The following CUBN variants were observed in gnomAD, a reference collection of about 807,000 sequenced individuals.
CUBN encodes the protein 460 kDa receptor.
In CUBN, 282 loss-of-function variants were observed where a neutral mutation model predicts 405.3. That is an observed-to-expected ratio of 0.70 (90% CI 0.63 to 0.77). The LOEUF is 0.77. Among genes scored for constraint, CUBN ranks in the 30% least tolerant of loss-of-function variants. The pLI is 0.00. For missense variants in CUBN, 4,514 were observed against 4,475.2 expected (o/e 1.01, Z -0.25); for synonymous variants, 1,684 against 1,617.0 (o/e 1.04, Z -0.99).
chr10:16,856,596 G>A (rs563415933), intron 59 of CUBN, among the ~76,000 whole-genome samples: 128 of 152,294 alleles, frequency 8.4e-4, no homozygotes, highest in Non-Finnish European at 1.4e-3. Context: ...CATCTCGAAG[G>A]CTTCAGTGGA....
At chr10:17,113,908 A>T (rs770012233) in intron 8 of CUBN, 119 bp downstream of exon 8, 4 of 1,007,028 alleles carry the variant, frequency 4.0e-6, no homozygotes, top group Non-Finnish European at 6.1e-6. Flanking sequence ...CAGGACACAA[A>T]ACTGGATTTG....
intron 60 of CUBN, among the ~76,000 whole-genome samples, chr10:16,843,926 C>T (rs1588579036): frequency 1.3e-5 from 2 of 152,032 alleles, no homozygotes; most frequent in African/African-American, 4.8e-5. Context: ...ATCATGAGAA[C>T]CCACGTGATG....
At chr10:16,980,611 T>C (rs1833240936) in intron 31 of CUBN, among the ~76,000 whole-genome samples, 1 of 152,042 alleles carries the variant, frequency 6.6e-6, no homozygotes. Flanking sequence ...AAACACCGCA[T>C]ATTCTCACTC....
At chr10:17,038,158 T>A (rs1417259792) in intron 27 of CUBN, among the ~76,000 whole-genome samples, 1 of 152,204 alleles carries the variant, frequency 6.6e-6, no homozygotes, top group Non-Finnish European at 1.5e-5. Flanking sequence ...ATGCTCCCTG[T>A]TGACTTAACA....
intron 60 of CUBN, among the ~76,000 whole-genome samples, chr10:16,844,436 C>T (rs1052830821): frequency 1.3e-5 from 2 of 152,068 alleles, no homozygotes; most frequent in African/African-American, 4.8e-5. Context: ...GGAGAAATGA[C>T]GAAGTCCAAC....
intron 6 of CUBN, among the ~76,000 whole-genome samples, chr10:17,118,826 T>C (rs930304478): frequency 2.6e-5 from 4 of 152,242 alleles, no homozygotes; most frequent in Non-Finnish European, 5.9e-5. Context: ...CAATTACTTA[T>C]ATACCTCCCT....
intron 22 of CUBN, 82 bp downstream of exon 22, chr10:17,065,426 A>T: frequency 6.4e-7 from 1 of 1,555,030 alleles, no homozygotes; most frequent in Non-Finnish European, 8.9e-7. Flanking sequence ...TTTGCGGATG[A>T]TGTATTCTCA....
At chr10:16,966,423 C>T (rs2942359) in intron 31 of CUBN, among the ~76,000 whole-genome samples, 102,828 of 151,686 alleles carry the variant, frequency 0.68, 35,124 homozygotes, top group Non-Finnish European at 0.71. Context: ...GTGTGGCCTC[C>T]TTCTCACCTG....
At chr10:16,862,383 C>T (rs550995374) in intron 59 of CUBN, among the ~76,000 whole-genome samples, 1 of 152,156 alleles carries the variant, frequency 6.6e-6, no homozygotes, top group East Asian at 1.9e-4. Context: ...GGGGTAATTC[C>T]TGTCTCATCT....
At chr10:17,127,994 T>A (rs1262172903) in intron 2 of CUBN, 70 bp from the exon 3 acceptor site, 1 of 1,138,764 alleles carries the variant, frequency 8.8e-7, no homozygotes, top group Admixed American at 1.8e-5. Context: ...TACAGTAACA[T>A]AATTAAAAAC....
intron 28 of CUBN, among the ~76,000 whole-genome samples, chr10:16,997,526 G>C (rs1215065349): frequency 6.6e-6 from 1 of 151,986 alleles, no homozygotes; most frequent in Non-Finnish European, 1.5e-5. Flanking sequence ...GGTGTGATGT[G>C]AATTGGTAAC....
intron 64 of CUBN, among the ~76,000 whole-genome samples, chr10:16,834,267 T>C (rs1221852515): frequency 6.6e-6 from 1 of 152,064 alleles, no homozygotes; most frequent in Non-Finnish European, 1.5e-5. Context: ...AATGCAGCGA[T>C]GGGGCAGAAA....
chr10:16,885,783 C>T (rs369972354), intron 56 of CUBN, among the ~76,000 whole-genome samples: 79 of 152,234 alleles, frequency 5.2e-4, no homozygotes, highest in East Asian at 4.8e-3. Flanking sequence ...CTGAGTGATA[C>T]GGTCTTGTGA....
chr10:16,837,703 C>T (rs1413196799), intron 62 of CUBN, among the ~76,000 whole-genome samples: 7 of 152,174 alleles, frequency 4.6e-5, no homozygotes, highest in South Asian at 2.1e-4. Context: ...CCAATTAGGG[C>T]TGCTCTGTCT....
At chr10:17,129,381 C>T in intron 1 of CUBN, 131 bp from the exon 2 acceptor site, 1 of 1,108,564 alleles carries the variant, frequency 9.0e-7, no homozygotes. Flanking sequence ...AACCCAACTG[C>T]CCCTGCTCAT....
chr10:16,878,490 C>G (rs930350346), intron 56 of CUBN, among the ~76,000 whole-genome samples: 1 of 152,140 alleles, frequency 6.6e-6, no homozygotes, highest in Non-Finnish European at 1.5e-5. Context: ...CATTCCTGTA[C>G]ATAAATATTT....
rs372506077 is a variant in CUBN at position 17,129,254 on chromosome 10, T to C, written c.123-4A>G. 3.0e-5 allele frequency: 48 copies of C among 1,613,366 alleles called. No homozygotes were observed. In the African/African-American group the frequency reaches 4.5e-4, roughly 15 times the overall value. ...TCTCTCTGTAGCCATTCGAGGCCTA[T>C]ATAATTCAAACGAGAGAATGCATCA... On this transcript the variant is annotated splice_polypyrimidine_tract_variant and splice_region_variant and intron_variant, in intron 1 of 66. Coordinates refer to ENST00000377833, the MANE Select transcript of CUBN (RefSeq NM_001081.4).
chr10:16,877,204 A>G (rs1840535615), intron 56 of CUBN, 107 bp from the exon 57 acceptor site: 1 of 950,080 alleles, frequency 1.1e-6, no homozygotes, highest in East Asian at 2.6e-5. Context: ...ATTGCTATAA[A>G]AATTAAAATG....
intron 16 of CUBN, 95 bp from the exon 17 acceptor site, chr10:17,084,556 A>G (rs1373851034): frequency 2.1e-6 from 2 of 939,978 alleles, no homozygotes; most frequent in African/African-American, 3.3e-5. Flanking sequence ...CCACACACAC[A>G]CACACACAAG....
Sources: gnomAD v4.1 joint callset for allele counts (sites outside exome capture counted in the v4.1 genomes callset) on GRCh38, gnomAD v4.1.1 for gene constraint, MANE v1.5 for transcripts, NCBI Gene and HGNC (gene_info 2026-07-23, HGNC 2026-07-21) for gene names.